R3HCC1L: variants seen among roughly 807,000 people sequenced by gnomAD.
R3HCC1L encodes the protein coiled-coil domain-containing protein R3HCC1L.
R3HCC1L carries 51 observed loss-of-function variants against 59.9 expected under a neutral mutation model. That is an observed-to-expected ratio of 0.85 (90% CI 0.68 to 1.07). The LOEUF is 1.07. Ranked by LOEUF, R3HCC1L falls within the 50% of genes least tolerant of loss-of-function variation. R3HCC1L has a pLI of 0.00. For synonymous variants in R3HCC1L, 322 were observed against 315.2 expected (o/e 1.02, Z -0.23); for missense variants, 965 against 933.0 (o/e 1.03, Z -0.45).
intron 9 of R3HCC1L, 57 bp from the exon 10 acceptor site, chr10:98,244,034 G>A: frequency 1.3e-6 from 2 of 1,517,598 alleles, no homozygotes; most frequent in South Asian, 1.1e-5. Flanking sequence ...TGGATTAAGG[G>A]AAAGTCATTG....
chr10:98,179,669 T>C (rs1377983836), intron 4 of R3HCC1L, among the ~76,000 whole-genome samples: 2 of 152,222 alleles, frequency 1.3e-5, no homozygotes, highest in East Asian at 1.9e-4. Context: ...TCTGGTAGAA[T>C]TCAGCTGTGA....
intron 1 of R3HCC1L, among the ~76,000 whole-genome samples, chr10:98,151,099 C>T (rs1846113386): frequency 6.6e-6 from 1 of 152,148 alleles, no homozygotes; most frequent in African/African-American, 2.4e-5. Flanking sequence ...AAACTGTCTC[C>T]TCCTCATTTT....
chr10:98,191,504 GT>G (rs1216562199), intron 4 of R3HCC1L, among the ~76,000 whole-genome samples: 3 of 152,090 alleles, frequency 2.0e-5, no homozygotes, highest in Non-Finnish European at 4.4e-5. Flanking sequence ...GGGGCTGTTT[GT>G]TTTTTTCTTG....
chr10:98,226,362 G>A (rs1855677889), intron 5 of R3HCC1L, among the ~76,000 whole-genome samples: 1 of 152,138 alleles, frequency 6.6e-6, no homozygotes, highest in African/African-American at 2.4e-5. Context: ...AACAAAAGAG[G>A]TATAAAACTT....
intron 4 of R3HCC1L, among the ~76,000 whole-genome samples, chr10:98,195,603 A>C (rs34200486): frequency 0.18 from 26,605 of 151,728 alleles, 2,385 homozygotes; most frequent in South Asian, 0.21. Context: ...ACAAAAAAAA[A>C]CTCTTTGTTA....
Position 98,208,289 on chromosome 10 carries a change from AAAG to A in R3HCC1L, c.179_181del (p.Glu60del). The A allele has an allele frequency of 6.2e-7, 1 of 1,614,156 alleles. No individual in the cohort carries two copies. The highest frequency in any genetic ancestry group is 8.5e-7 in the Non-Finnish European group (1 of 1,180,016). On this transcript the variant is annotated inframe_deletion, in exon 5 of 10. Coordinates refer to ENST00000298999, the MANE Select transcript of R3HCC1L (RefSeq NM_001351015.2). ...GCAAAAAGAAAGTTCTCTCTCCCAA[AAAG>A]AAGTCTTTAAAGACAAACCGGAGGC...
intron 5 of R3HCC1L, among the ~76,000 whole-genome samples, chr10:98,214,310 T>C (rs539288515): frequency 6.6e-6 from 1 of 152,286 alleles, no homozygotes; most frequent in East Asian, 1.9e-4. Flanking sequence ...GCAGTGCTTG[T>C]TTCAGTGAAT....
chr10:98,170,005 G>A (rs914653891), intron 4 of R3HCC1L, among the ~76,000 whole-genome samples: 1 of 151,710 alleles, frequency 6.6e-6, no homozygotes, highest in Non-Finnish European at 1.5e-5. Context: ...ATTTTTGGGG[G>A]AATGGGATGG....
intron 9 of R3HCC1L, among the ~76,000 whole-genome samples, chr10:98,237,708 T>C (rs1422358204): frequency 6.6e-6 from 1 of 152,194 alleles, no homozygotes; most frequent in East Asian, 1.9e-4. Flanking sequence ...CTGTATGGAT[T>C]ATGAGGACTC....
At chr10:98,200,857 C>T (rs1052371668) in intron 4 of R3HCC1L, among the ~76,000 whole-genome samples, 2 of 152,080 alleles carry the variant, frequency 1.3e-5, no homozygotes, top group Non-Finnish European at 2.9e-5. Context: ...AACATCTTCA[C>T]CAAAAAGTAT....
intron 4 of R3HCC1L, among the ~76,000 whole-genome samples, chr10:98,175,979 GT>G (rs919303226): frequency 6.6e-6 from 1 of 152,088 alleles, no homozygotes; most frequent in African/African-American, 2.4e-5. Context: ...TATGGATACA[GT>G]TTTTGTTGCA....
chr10:98,237,514 A>G (rs538142295), intron 9 of R3HCC1L, among the ~76,000 whole-genome samples: 2 of 152,296 alleles, frequency 1.3e-5, no homozygotes, highest in East Asian at 3.9e-4. Context: ...CTCTAGGTGC[A>G]TCAGCATGCA....
chr10:98,144,674 A>G (rs544763581), intron 1 of R3HCC1L, among the ~76,000 whole-genome samples: 3 of 152,350 alleles, frequency 2.0e-5, no homozygotes, highest in Admixed American at 1.3e-4. Flanking sequence ...TATTGACACA[A>G]CAATCTTATG....
At chr10:98,158,856 G>T (rs1195770598) in intron 2 of R3HCC1L, among the ~76,000 whole-genome samples, 1 of 151,532 alleles carries the variant, frequency 6.6e-6, no homozygotes. Context: ...GCCCAGGCTG[G>T]AGTACAGTGG....
At chr10:98,194,298 C>T (rs1231409443) in intron 4 of R3HCC1L, among the ~76,000 whole-genome samples, 1 of 151,716 alleles carries the variant, frequency 6.6e-6, no homozygotes, top group African/African-American at 2.4e-5. Flanking sequence ...ATGAGGTGTA[C>T]CATATACAAA....
intron 1 of R3HCC1L, among the ~76,000 whole-genome samples, chr10:98,136,819 A>T (rs1844631750): frequency 6.6e-6 from 1 of 152,130 alleles, no homozygotes; most frequent in Non-Finnish European, 1.5e-5. Context: ...CCTGGCCGAT[A>T]GATTGAGACT....
intron 1 of R3HCC1L, among the ~76,000 whole-genome samples, chr10:98,141,678 G>T (rs759350237): frequency 6.6e-6 from 1 of 152,180 alleles, no homozygotes; most frequent in African/African-American, 2.4e-5. Context: ...TCACATGGCT[G>T]GTGATTGATG....
chr10:98,137,933 G>A (rs1844754382), intron 1 of R3HCC1L, among the ~76,000 whole-genome samples: 2 of 151,390 alleles, frequency 1.3e-5, no homozygotes, highest in South Asian at 2.1e-4. Context: ...TAAAATTTAA[G>A]CTTATTGGAT....
chr10:98,226,885 T>C (rs1227162565), intron 5 of R3HCC1L, among the ~76,000 whole-genome samples: 6 of 152,254 alleles, frequency 3.9e-5, no homozygotes, highest in Non-Finnish European at 5.9e-5. Context: ...CAAAACAGTT[T>C]ATGTATTCTG....
Sources: gnomAD v4.1 joint callset for allele counts (sites outside exome capture counted in the v4.1 genomes callset) on GRCh38, gnomAD v4.1.1 for gene constraint, MANE v1.5 for transcripts, NCBI Gene and HGNC (gene_info 2026-07-23, HGNC 2026-07-21) for gene names.